The following SLC24A2 variants were observed in gnomAD, a reference collection of about 807,000 sequenced individuals.
SLC24A2 encodes sodium/potassium/calcium exchanger 2.
A neutral mutation model predicts 62.0 loss-of-function variants in SLC24A2; 36 were observed. The ratio of observed to expected loss-of-function variants is 0.58; its 90% CI spans 0.44 to 0.77. The LOEUF (loss-of-function observed/expected upper bound fraction) is 0.77, where lower values mean the gene tolerates loss of function less well. Ranked by LOEUF, SLC24A2 falls within the 30% of genes least tolerant of loss-of-function variation. The pLI, the probability that SLC24A2 is intolerant of heterozygous loss-of-function variation, is 0.00. For missense variants in SLC24A2, 846 were observed against 817.9 expected (o/e 1.03, Z -0.42); for synonymous variants, 358 against 294.0 (o/e 1.22, Z -2.23).
chr9:20,144,711 G>A, the SLC24A2 span, among the ~76,000 whole-genome samples: 2 of 152,032 alleles, frequency 1.3e-5, no homozygotes, highest in South Asian at 2.1e-4. Flanking sequence ...TTGTCAATCG[G>A]GGTCATTCAA....
At chr9:19,692,866 C>A (rs1420764262) in intron 2 of SLC24A2, among the ~76,000 whole-genome samples, 1 of 152,150 alleles carries the variant, frequency 6.6e-6, no homozygotes, top group Admixed American at 6.5e-5. Context: ...CAAACGTTTA[C>A]AATTAGCAAA....
At position 19,781,856 on chromosome 9, in the gene SLC24A2, A is replaced by T. The variant is rs538766579; in HGVS notation, c.930+4081T>A. On this transcript the variant is annotated intron_variant, in intron 2 of 10. Coordinates refer to ENST00000341998, the MANE Select transcript of SLC24A2 (RefSeq NM_020344.4). ...GTTGAGGCAACACATGTATACTTAT[A>T]CAATTATTTATGGTTTAGTACTTTA... 1.7e-4 allele frequency among the ~76,000 whole-genome samples: 26 copies of T among 152,350 alleles called. 1 individual carries two copies. The highest frequency in any genetic ancestry group is 1.0e-3 in the South Asian group (5 of 4,834).
intron 4 of SLC24A2, among the ~76,000 whole-genome samples, chr9:19,613,786 GGCAGAGTA>G (rs903242858): frequency 6.6e-6 from 1 of 152,138 alleles, no homozygotes; most frequent in African/African-American, 2.4e-5. Context: ...TACACAAGGA[GGCAGAGTA>G]GCAGAAAAGA....
chr9:19,916,788 T>G, the SLC24A2 span, among the ~76,000 whole-genome samples: 3 of 151,930 alleles, frequency 2.0e-5, no homozygotes, highest in African/African-American at 7.2e-5. Context: ...TAAATGTTGA[T>G]GTAATAAACT....
chr9:20,298,431 G>A, the SLC24A2 span, among the ~76,000 whole-genome samples: 12 of 152,114 alleles, frequency 7.9e-5, no homozygotes, highest in African/African-American at 2.4e-4. Context: ...GTTTCATCAC[G>A]TTGGCCTGGC....
At chr9:19,610,668 G>T (rs1431236920) in intron 4 of SLC24A2, among the ~76,000 whole-genome samples, 1 of 152,102 alleles carries the variant, frequency 6.6e-6, no homozygotes. Context: ...TAACATCATT[G>T]CTGTGCTGGT....
chr9:19,934,644 C>T, the SLC24A2 span, among the ~76,000 whole-genome samples: 4 of 152,194 alleles, frequency 2.6e-5, no homozygotes, highest in Non-Finnish European at 5.9e-5. The surrounding 1 kb of genome is among the most constrained non-coding windows in gnomAD (Gnocchi z 4.1). Context: ...GTGGTAATTT[C>T]CTTTGGGGGT....
chr9:19,775,606 A>C (rs1822822790), intron 2 of SLC24A2, among the ~76,000 whole-genome samples: 2 of 152,130 alleles, frequency 1.3e-5, no homozygotes, highest in African/African-American at 4.8e-5. Flanking sequence ...ATTAGCATGG[A>C]TTTATATGTA....
At chr9:19,538,239 T>C (rs1834070865) in intron 8 of SLC24A2, among the ~76,000 whole-genome samples, 1 of 131,304 alleles carries the variant, frequency 7.6e-6, no homozygotes, top group Non-Finnish European at 1.6e-5. Flanking sequence ...TCCAACACTA[T>C]GTTGAATAGG....
intron 8 of SLC24A2, among the ~76,000 whole-genome samples, chr9:19,547,324 G>T (rs918067346): frequency 2.0e-5 from 3 of 152,216 alleles, no homozygotes; most frequent in African/African-American, 7.2e-5. Context: ...CCATTCTGCA[G>T]GTGCTGGCTC....
At chr9:19,611,614 C>T (rs1244451964) in intron 4 of SLC24A2, among the ~76,000 whole-genome samples, 2 of 151,788 alleles carry the variant, frequency 1.3e-5, no homozygotes, top group African/African-American at 4.8e-5. Flanking sequence ...TTAGGGGATC[C>T]AGGATTCTTC....
At chr9:20,076,117 G>C in the SLC24A2 span, among the ~76,000 whole-genome samples, 1 of 151,872 alleles carries the variant, frequency 6.6e-6, no homozygotes, top group African/African-American at 2.4e-5. Context: ...ATATTTTTGA[G>C]CTGCATTTGG....
intron 6 of SLC24A2, among the ~76,000 whole-genome samples, chr9:19,574,333 G>A (rs1835943534): frequency 6.6e-6 from 1 of 152,204 alleles, no homozygotes; most frequent in South Asian, 2.1e-4. Flanking sequence ...GGGTCAGCAA[G>A]TGCAGATTTG....
At chr9:19,947,310 C>G in the SLC24A2 span, among the ~76,000 whole-genome samples, 1 of 151,098 alleles carries the variant, frequency 6.6e-6, no homozygotes, top group African/African-American at 2.4e-5. Flanking sequence ...AGAAACAACT[C>G]TCAGGTTTAT....
At chr9:20,012,882 T>G in the SLC24A2 span, among the ~76,000 whole-genome samples, 1 of 151,766 alleles carries the variant, frequency 6.6e-6, no homozygotes, top group East Asian at 1.9e-4. Context: ...CTATAATCAC[T>G]GATGACAGAA....
At chr9:20,255,391 T>C in the SLC24A2 span, among the ~76,000 whole-genome samples, 1 of 152,232 alleles carries the variant, frequency 6.6e-6, no homozygotes, top group Non-Finnish European at 1.5e-5. Context: ...TGTTCCACAA[T>C]AAGCTACCCC....
the SLC24A2 span, among the ~76,000 whole-genome samples, chr9:19,910,145 T>G: frequency 6.6e-6 from 1 of 152,110 alleles, no homozygotes; most frequent in Non-Finnish European, 1.5e-5. Context: ...TTCCTCTTCA[T>G]CTGAACCTCA....
chr9:19,905,251 G>T, the SLC24A2 span, among the ~76,000 whole-genome samples: 1 of 152,138 alleles, frequency 6.6e-6, no homozygotes. Flanking sequence ...TCAAGGAAAT[G>T]AGGGCCCATT....
rs906720556 is a variant in SLC24A2 at position 19,601,519 on chromosome 9, G to A, written c.1079-4240C>T. On this transcript the variant is annotated intron_variant, in intron 4 of 10. Transcript: ENST00000341998. ...TATAACACTCACCACGAAGGTCCACGGCTCCATTCTGGAAGTCAGAGAGAC... is the reference window on the plus strand; with the variant it reads ...TATAACACTCACCACGAAGGTCCACAGCTCCATTCTGGAAGTCAGAGAGAC... Among the ~76,000 whole-genome samples the A allele has an allele frequency of 3.9e-5, 6 of 152,112 alleles. No individual in the cohort carries two copies. In the South Asian group the frequency reaches 8.3e-4, roughly 21 times the overall value.
Sources: gnomAD v4.1 joint callset for allele counts (sites outside exome capture counted in the v4.1 genomes callset) on GRCh38, gnomAD v4.1.1 for gene constraint, Gnocchi (gnomAD v3.1) non-coding constraint, MANE v1.5 for transcripts, NCBI Gene and HGNC (gene_info 2026-07-23, HGNC 2026-07-21) for gene names.